UBE3D: variants seen among roughly 807,000 people sequenced by gnomAD.
UBE3D encodes E3 ubiquitin-protein ligase E3D.
UBE3D carries 48 observed loss-of-function variants against 49.6 expected under a neutral mutation model. That is an observed-to-expected ratio of 0.97 (90% CI 0.77 to 1.23). The LOEUF is 1.23. UBE3D is among the 50% of genes most tolerant of loss of function. UBE3D has a pLI of 0.00. For synonymous variants in UBE3D, 189 were observed against 174.2 expected, an observed-to-expected ratio of 1.08 and a Z score of -0.67; for missense variants, 452 against 468.4, an observed-to-expected ratio of 0.96 and a Z score of 0.32.
At chr6:83,052,286 C>T (rs1783519871) in intron 3 of UBE3D, among the ~76,000 whole-genome samples, 1 of 152,096 alleles carries the variant, frequency 6.6e-6, no homozygotes, top group Non-Finnish European at 1.5e-5. Flanking sequence ...ACTAGACAGA[C>T]TCAGAAGGGA....
intron 8 of UBE3D, among the ~76,000 whole-genome samples, chr6:82,997,693 T>G (rs947717863): frequency 2.6e-5 from 4 of 152,088 alleles, no homozygotes; most frequent in Non-Finnish European, 5.9e-5. Flanking sequence ...CATTCCAGCC[T>G]GGGCGACACA....
chr6:83,038,936 T>A (rs1449801990), intron 4 of UBE3D, among the ~76,000 whole-genome samples: 1 of 152,050 alleles, frequency 6.6e-6, no homozygotes, highest in African/African-American at 2.4e-5. Context: ...AAGTAACCCA[T>A]AACCCTTAAC....
At position 83,065,719 on chromosome 6, in the gene UBE3D, G is replaced by A. The variant is rs768594147; in HGVS notation, c.-1C>T. On this transcript the variant is annotated 5_prime_UTR_variant, in exon 1 of 10. Coordinates refer to ENST00000369747, the MANE Select transcript of UBE3D (RefSeq NM_198920.3). ...GCGTCTCCGCCGCAGAAGCCGCCAT[G>A]GCAGGCTTCCAGTCCCAGACCGGAC... 1.2e-5 allele frequency: 20 copies of A among 1,610,520 alleles called. No individual in the cohort carries two copies. The Admixed American group carries it at 2.3e-4, about 19-fold the overall frequency.
intron 8 of UBE3D, among the ~76,000 whole-genome samples, chr6:82,977,842 AAAC>A (rs780613308): frequency 2.0e-4 from 31 of 152,276 alleles, no homozygotes; most frequent in East Asian, 7.7e-4. Flanking sequence ...CCGTCTCAAA[AAAC>A]AACAACAACA....
At chr6:83,053,596 G>C (rs1475280883) in intron 3 of UBE3D, among the ~76,000 whole-genome samples, 1 of 152,124 alleles carries the variant, frequency 6.6e-6, no homozygotes, top group African/African-American at 2.4e-5. Flanking sequence ...AACCAACAAA[G>C]AGTCCTTCCC....
Position 83,044,486 on chromosome 6 carries a change from C to T in UBE3D, c.539G>A (p.Arg180Lys). Residue 180 changes from arginine to lysine, a missense_variant, in exon 4 of 10, where the codon AGA (arginine) becomes AAA (lysine). Transcript: ENST00000369747. ...VNLRTSLWQQRPELSPVEMCC... is the reference protein window; with the variant it reads ...VNLRTSLWQQKPELSPVEMCC... ...CATCTCCACTGGGGATAGTTCAGGT[C>T]TTTGCTGCCACAAACTGGTTCTTAA... The T allele has an allele frequency of 6.2e-7, 1 of 1,614,106 alleles. No homozygotes were observed. Among genetic ancestry groups the T allele is most frequent in the Non-Finnish European group, 8.5e-7 (1 of 1,179,966 alleles).
intron 9 of UBE3D, among the ~76,000 whole-genome samples, chr6:82,936,246 T>C (rs1774567219): frequency 6.6e-6 from 1 of 152,206 alleles, no homozygotes; most frequent in South Asian, 2.1e-4. Flanking sequence ...ATAAACAGAT[T>C]TAACTCTGCT....
intron 9 of UBE3D, among the ~76,000 whole-genome samples, chr6:82,926,841 A>C (rs1415780614): frequency 3.3e-5 from 5 of 152,090 alleles, no homozygotes; most frequent in Admixed American, 3.3e-4. Context: ...TTTGCAAAGC[A>C]GAAATTTTTA....
intron 8 of UBE3D, among the ~76,000 whole-genome samples, chr6:83,000,259 T>C (rs1248268670): frequency 6.6e-6 from 1 of 152,196 alleles, no homozygotes; most frequent in East Asian, 1.9e-4. Flanking sequence ...TATATTAACA[T>C]TCTATTTGCT....
intron 8 of UBE3D, among the ~76,000 whole-genome samples, chr6:83,008,623 C>T (rs555460205): frequency 6.6e-6 from 1 of 152,212 alleles, no homozygotes; most frequent in Non-Finnish European, 1.5e-5. Context: ...GGAAATAAAA[C>T]CATAGTTACA....
intron 8 of UBE3D, among the ~76,000 whole-genome samples, chr6:82,999,787 C>G (rs1264132663): frequency 6.6e-6 from 1 of 152,188 alleles, no homozygotes; most frequent in Non-Finnish European, 1.5e-5. Context: ...CACAGCCAAA[C>G]TTCCTGAAAC....
chr6:82,910,724 G>T (rs955388944), intron 9 of UBE3D, among the ~76,000 whole-genome samples: 1 of 152,000 alleles, frequency 6.6e-6, no homozygotes, highest in African/African-American at 2.4e-5. Flanking sequence ...AAGAGTCCAA[G>T]AATTAGAATT....
At chr6:82,997,854 C>CGGGA (rs1779352499) in intron 8 of UBE3D, among the ~76,000 whole-genome samples, 1 of 152,102 alleles carries the variant, frequency 6.6e-6, no homozygotes, top group South Asian at 2.1e-4. Context: ...GTTATACAGA[C>CGGGA]GGGAGTGAAA....
At chr6:82,920,066 T>C (rs1773215285) in intron 9 of UBE3D, among the ~76,000 whole-genome samples, 1 of 152,218 alleles carries the variant, frequency 6.6e-6, no homozygotes, top group African/African-American at 2.4e-5. Flanking sequence ...AAAAAATATA[T>C]ATAAATCATA....
At chr6:83,060,177 C>T (rs1314531814) in intron 1 of UBE3D, among the ~76,000 whole-genome samples, 2 of 152,114 alleles carry the variant, frequency 1.3e-5, no homozygotes, top group Non-Finnish European at 2.9e-5. Flanking sequence ...GGGACACAAA[C>T]ATTCAGTCCA....
At chr6:82,932,116 G>A (rs1243185344) in intron 9 of UBE3D, among the ~76,000 whole-genome samples, 1 of 152,084 alleles carries the variant, frequency 6.6e-6, no homozygotes, top group Non-Finnish European at 1.5e-5. Context: ...ATGATTGTAA[G>A]TTTCCTGAGG....
At chr6:82,947,284 A>G (rs1267170614) in intron 9 of UBE3D, among the ~76,000 whole-genome samples, 9 of 152,012 alleles carry the variant, frequency 5.9e-5, no homozygotes, top group African/African-American at 2.2e-4. Context: ...CCAAAACTGG[A>G]GCACCCAGAT....
rs143929961 is a variant in UBE3D at position 83,031,261 on chromosome 6, G to A, written c.667+7155C>T. Reference sequence around the variant, plus strand: ...TGACGTCAAGTGATCCACCTGCCTCGGCCTCCCAAAGTGTTGGGATTACAG... The same window carrying A: ...TGACGTCAAGTGATCCACCTGCCTCAGCCTCCCAAAGTGTTGGGATTACAG... On this transcript the variant is annotated intron_variant, in intron 5 of 9. Transcript: ENST00000369747. 9.7e-3 allele frequency among the ~76,000 whole-genome samples: 1,469 copies of A among 152,210 alleles called. 22 individuals carry two copies. The highest frequency in any genetic ancestry group is 0.034 in the African/African-American group (1,395 of 41,532).
rs747386927 is a variant in UBE3D at position 83,044,672 on chromosome 6, G to C, written c.366-13C>G. The C allele has an allele frequency of 6.3e-7, 1 of 1,588,158 alleles. No individual in the cohort carries two copies. The highest frequency in any genetic ancestry group is 8.6e-7 in the Non-Finnish European group (1 of 1,163,168). On this transcript the variant is annotated splice_polypyrimidine_tract_variant and intron_variant, in intron 3 of 9. Transcript: ENST00000369747. ...CCTGAGGAGCTTCCTAGTGGAAAGA[G>C]GAAAAATCATTTTTCACAGAACAAA... is the stretch of plus-strand genomic sequence containing the variant.
Sources: gnomAD v4.1 joint callset for allele counts (sites outside exome capture counted in the v4.1 genomes callset) on GRCh38, gnomAD v4.1.1 for gene constraint, MANE v1.5 for transcripts, NCBI Gene and HGNC (gene_info 2026-07-23, HGNC 2026-07-21) for gene names.